Variants in SEMA5A observed in about 807,000 individuals in gnomAD.
The protein encoded by SEMA5A is semaphorin 5A.
SEMA5A carries 55 observed loss-of-function variants against 135.5 expected under a neutral mutation model. The ratio of observed to expected loss-of-function variants is 0.41; its 90% CI spans 0.33 to 0.51. SEMA5A has a LOEUF of 0.51. SEMA5A is among the 20% of genes least tolerant of loss of function. The pLI, the probability that SEMA5A is intolerant of heterozygous loss-of-function variation, is 0.37. For synonymous variants in SEMA5A, 580 were observed against 546.5 expected, an observed-to-expected ratio of 1.06 and a Z score of -0.85; for missense variants, 1,290 against 1,419.9, an observed-to-expected ratio of 0.91 and a Z score of 1.47.
chr5:9,179,009 G>A (rs1177550455), intron 11 of SEMA5A, among the ~76,000 whole-genome samples: 2 of 152,180 alleles, frequency 1.3e-5, no homozygotes, highest in African/African-American at 4.8e-5. Context: ...CTCTGTAGAA[G>A]TAGAGATTAG....
At chr5:9,052,096 G>T in intron 19 of SEMA5A, 68 bp from the exon 20 acceptor site, 1 of 1,434,536 alleles carries the variant, frequency 7.0e-7, no homozygotes, top group Non-Finnish European at 9.2e-7. Flanking sequence ...AGACTCACTG[G>T]CAAGTTACAT....
intron 8 of SEMA5A, among the ~76,000 whole-genome samples, chr5:9,223,902 A>G (rs1435455954): frequency 6.6e-6 from 1 of 152,176 alleles, no homozygotes; most frequent in Non-Finnish European, 1.5e-5. Flanking sequence ...TCAGTAAGCA[A>G]GTGACCAAGT....
At chr5:9,135,051 T>C (rs1041365458) in intron 13 of SEMA5A, among the ~76,000 whole-genome samples, 1 of 152,194 alleles carries the variant, frequency 6.6e-6, no homozygotes, top group African/African-American at 2.4e-5. Context: ...AGAGCCTAGA[T>C]GTGGTGATGC....
intron 8 of SEMA5A, among the ~76,000 whole-genome samples, chr5:9,210,949 T>C (rs961338553): frequency 6.6e-6 from 1 of 152,218 alleles, no homozygotes; most frequent in South Asian, 2.1e-4. Context: ...AGGCCATTGA[T>C]TTAAAATGAT....
chr5:9,474,087 C>A (rs56094142), intron 1 of SEMA5A, among the ~76,000 whole-genome samples: 8,904 of 151,914 alleles, frequency 0.059, 303 homozygotes, highest in South Asian at 0.095. Flanking sequence ...ATTAGAAAGA[C>A]GGTGAAGAGT....
intron 1 of SEMA5A, among the ~76,000 whole-genome samples, chr5:9,529,798 T>C (rs1737343428): frequency 6.6e-6 from 1 of 152,082 alleles, no homozygotes; most frequent in South Asian, 2.1e-4. Context: ...AGGGTGGGGG[T>C]AGGAAGTGTG....
intron 2 of SEMA5A, among the ~76,000 whole-genome samples, chr5:9,428,088 G>GTATATATATATA (rs10536071): frequency 4.8e-5 from 7 of 145,666 alleles, no homozygotes; most frequent in Non-Finnish European, 4.5e-5. Flanking sequence ...ATATGTGTGT[G>GTATATATATATA]TATATATATA....
intron 15 of SEMA5A, among the ~76,000 whole-genome samples, chr5:9,118,603 G>A (rs1308452750): frequency 6.6e-6 from 1 of 152,128 alleles, no homozygotes; most frequent in Non-Finnish European, 1.5e-5. Context: ...GCCCAGTAGT[G>A]TCTGCATCCG....
intron 1 of SEMA5A, among the ~76,000 whole-genome samples, chr5:9,470,724 A>G (rs764352662): frequency 6.6e-6 from 1 of 152,112 alleles, no homozygotes; most frequent in Non-Finnish European, 1.5e-5. Context: ...GTGACCAGCA[A>G]CTCTCAAGAT....
At chr5:9,047,827 C>T (rs934036076) in intron 21 of SEMA5A, among the ~76,000 whole-genome samples, 6 of 152,162 alleles carry the variant, frequency 3.9e-5, no homozygotes, top group Admixed American at 6.5e-5. Context: ...AGTTCAACTT[C>T]CTCTGATTTA....
chr5:9,329,181 AG>A (rs1374228037), intron 4 of SEMA5A, among the ~76,000 whole-genome samples: 1 of 152,120 alleles, frequency 6.6e-6, no homozygotes, highest in Non-Finnish European at 1.5e-5. Flanking sequence ...TGGTGTTTTC[AG>A]GACCCTTTAC....
rs771799581 is a variant in SEMA5A, at chr5:9,237,860, T to C, written c.301A>G (p.Lys101Glu). The change falls in exon 6 of 23, where the codon AAA becomes GAA. Residue 101 changes from lysine to glutamate, a missense_variant. By Grantham distance (56) the Lys-to-Glu change is moderately conservative. Around this residue, in one of 3 missense-constraint regions of SEMA5A, gnomAD observed 116 missense variants for 121.3 expected, o/e 0.96. Transcript: ENST00000382496. The part of the protein sequence containing the change: ...AVEWECDEAT[K>E]KACYSKGKSK... Reference sequence around the variant, plus strand: ...TTGCCTTTGCTGTAACAGGCCTTTTTGGTAGCTTCATCACACTCCCATTCC... The same window carrying C: ...TTGCCTTTGCTGTAACAGGCCTTTTCGGTAGCTTCATCACACTCCCATTCC... 12 of 1,613,692 alleles carry C rather than the reference T, an allele frequency of 7.4e-6. 1 individual carries two copies. The South Asian group carries it at 1.3e-4, about 18-fold the overall frequency.
At chr5:9,099,251 C>T (rs1411912539) in intron 16 of SEMA5A, among the ~76,000 whole-genome samples, 1 of 152,188 alleles carries the variant, frequency 6.6e-6, no homozygotes, top group Non-Finnish European at 1.5e-5. Flanking sequence ...TGCTGTACCA[C>T]TCAATTTTGT....
chr5:9,267,825 G>T (rs774921005), intron 5 of SEMA5A, among the ~76,000 whole-genome samples: 3 of 152,098 alleles, frequency 2.0e-5, no homozygotes, highest in Non-Finnish European at 4.4e-5. Context: ...AGAACACGTG[G>T]ATAACTTTTT....
intron 15 of SEMA5A, 38 bp downstream of exon 15, chr5:9,118,960 G>T (rs1332837567): frequency 6.2e-7 from 1 of 1,605,048 alleles, no homozygotes; most frequent in Admixed American, 1.7e-5. Flanking sequence ...GAGAGTAAGC[G>T]TGAGGCTGGC....
chr5:9,310,033 T>G (rs1752053307), intron 5 of SEMA5A, among the ~76,000 whole-genome samples: 1 of 123,740 alleles, frequency 8.1e-6, no homozygotes, highest in South Asian at 2.7e-4. Context: ...CAAACATTGA[T>G]AAACTAAAAA....
At chr5:9,328,810 C>T (rs908111148) in intron 4 of SEMA5A, among the ~76,000 whole-genome samples, 7 of 152,082 alleles carry the variant, frequency 4.6e-5, no homozygotes, top group Admixed American at 1.3e-4. Flanking sequence ...GCATTACTTC[C>T]GGAAAGTGGA....
chr5:9,130,419 T>C (rs946462411), intron 13 of SEMA5A, among the ~76,000 whole-genome samples: 2 of 152,214 alleles, frequency 1.3e-5, no homozygotes, highest in Non-Finnish European at 2.9e-5. Context: ...TGATATCAAC[T>C]AAGCATCATC....
intron 5 of SEMA5A, among the ~76,000 whole-genome samples, chr5:9,302,259 T>C (rs1249679198): frequency 1.3e-5 from 2 of 152,176 alleles, no homozygotes; most frequent in East Asian, 1.9e-4. Flanking sequence ...AGATATCTTT[T>C]GGAGGGCCAT....
Sources: gnomAD v4.1 joint callset for allele counts (sites outside exome capture counted in the v4.1 genomes callset) on GRCh38, gnomAD v4.1.1 for gene constraint, gnomAD v4.1.1 regional missense constraint, MANE v1.5 for transcripts, NCBI Gene and HGNC (gene_info 2026-07-23, HGNC 2026-07-21) for gene names.